TTC28: variants seen among roughly 807,000 people sequenced by gnomAD.
The protein encoded by TTC28 is tetratricopeptide repeat domain 28.
TTC28 carries 61 observed loss-of-function variants against 198.0 expected under a neutral mutation model. The observed-to-expected ratio is 0.31, with a 90% CI of 0.25 to 0.38. The LOEUF (loss-of-function observed/expected upper bound fraction) is 0.38. TTC28 is among the 10% of genes least tolerant of loss of function. The probability of loss-of-function intolerance (pLI) is 1.00; values close to 1 mark genes in which losing one functional copy is unlikely to be tolerated. For synonymous variants in TTC28, 1,171 were observed against 1,297.8 expected (o/e 0.90, Z 2.10); for missense variants, 2,678 against 3,164.0 (o/e 0.85, Z 3.69).
chr22:28,594,096 GC>G lies in TTC28; in HGVS notation c.381+35455del, dbSNP rs2050491494. Among the ~76,000 whole-genome samples the G allele has an allele frequency of 4.6e-5, 7 of 152,076 alleles. 1 individual carries two copies. The South Asian group carries it at 1.5e-3, about 32-fold the overall frequency. On this transcript the variant is annotated intron_variant, in intron 2 of 22. Coordinates refer to ENST00000397906, the MANE Select transcript of TTC28 (RefSeq NM_001145418.2). ...TTAAGGCACAGATAAAGTACTAGAA[GC>G]TGTGATGAGAGACACTGATGTTGAA...
intron 5 of TTC28, among the ~76,000 whole-genome samples, chr22:28,257,209 A>G (rs1307164579): frequency 6.6e-6 from 1 of 152,166 alleles, no homozygotes; most frequent in East Asian, 1.9e-4. Context: ...TCAAAAAACC[A>G]AAAATAGAAA....
chr22:28,070,897 C>T (rs967944226), intron 12 of TTC28, among the ~76,000 whole-genome samples: 4 of 152,294 alleles, frequency 2.6e-5, no homozygotes, highest in Admixed American at 2.0e-4. Context: ...TATATTCTTT[C>T]GAGAGCACAG....
intron 1 of TTC28, 88 bp downstream of exon 1, chr22:28,679,534 C>A: frequency 1.2e-6 from 1 of 854,422 alleles, no homozygotes; most frequent in Non-Finnish European, 1.7e-6. Flanking sequence ...GCCTCGCAGG[C>A]GCTCCTCTGC....
intron 12 of TTC28, among the ~76,000 whole-genome samples, chr22:28,075,041 T>C (rs1263320534): frequency 2.0e-5 from 3 of 151,968 alleles, no homozygotes; most frequent in Admixed American, 6.6e-5. Context: ...TGAGCCAAGA[T>C]TGCACCAACG....
chr22:28,324,640 A>G (rs1383132353), intron 2 of TTC28, among the ~76,000 whole-genome samples: 1 of 152,124 alleles, frequency 6.6e-6, no homozygotes, highest in Non-Finnish European at 1.5e-5. Context: ...GACAAAAACC[A>G]CATGATTATC....
Position 27,998,770 on chromosome 22 carries a change from T to G in TTC28, c.4889A>C (p.Asn1630Thr), listed in dbSNP as rs1937597088. 2.6e-6 allele frequency: 4 copies of G among 1,550,686 alleles called. No individual in the cohort carries two copies. The highest frequency in any genetic ancestry group is 3.5e-6 in the Non-Finnish European group (4 of 1,146,980). Reference protein sequence around the residue: ...LVVLGSSQESNSKVTADGVIA... With the variant: ...LVVLGSSQESTSKVTADGVIA... ...GACCCCGTCGGCTGTGACTTTGCTG[T>G]TGGACTCCTGGGAGGAGCCAAGCAC... The change falls in exon 16 of 23, where the codon AAC becomes ACC. Residue 1630 changes from asparagine to threonine, a missense_variant. Around this residue, in one of 8 missense-constraint regions of TTC28, gnomAD observed 727 missense variants for 861.9 expected, o/e 0.84. Coordinates refer to ENST00000397906, the MANE Select transcript of TTC28 (RefSeq NM_001145418.2).
intron 2 of TTC28, among the ~76,000 whole-genome samples, chr22:28,544,850 A>T (rs2048758324): frequency 6.6e-6 from 1 of 152,194 alleles, no homozygotes; most frequent in South Asian, 2.1e-4. Flanking sequence ...TGGTCTAAAA[A>T]GGGGAGGAAC....
intron 2 of TTC28, among the ~76,000 whole-genome samples, chr22:28,371,509 CAAAAAA>C (rs1229801209): frequency 9.8e-4 from 6 of 6,104 alleles, no homozygotes; most frequent in East Asian, 0.013. Flanking sequence ...GACCCTGTCT[CAAAAAA>C]AAAAAAAAAA....
At chr22:28,629,421 T>G in intron 2 of TTC28, 131 bp downstream of exon 2, 1 of 925,154 alleles carries the variant, frequency 1.1e-6, no homozygotes, top group South Asian at 1.9e-5. Context: ...AGGAAGTCAT[T>G]TTATATTTTG....
chr22:28,163,387 C>T lies in TTC28; in HGVS notation c.1146G>A (p.Lys382=), dbSNP rs1229899257. The T allele has an allele frequency of 4.5e-6, 7 of 1,552,026 alleles. No individual in the cohort carries two copies. The highest frequency in any genetic ancestry group is 6.1e-6 in the Non-Finnish European group (7 of 1,147,046). Residue 382 remains lysine (K), a synonymous_variant, in exon 6 of 23, where the codon AAG becomes AAA. Transcript: ENST00000397906. ...GCTTGTTCCCCAGGTCCTTGGCTAT[C>T]TTCAGATGCTGCTCATGGCACTGCA... ...NAVQCHEQHL[K]IAKDLGNKRE... is the part of the protein sequence containing the mutation.
intron 1 of TTC28, among the ~76,000 whole-genome samples, chr22:28,669,068 C>T (rs1038680898): frequency 1.3e-4 from 12 of 95,980 alleles, no homozygotes; most frequent in African/African-American, 4.5e-4. Context: ...AACCAAACAC[C>T]GCATATTCTC....
rs1942274628 is a variant in TTC28, at chr22:28,105,674, C to G, written c.2912G>C (p.Gly971Ala). ...GCAGGAAATGGCTTGTTCGTAATTC[C>G]CTAATTGGCTGTGCAGACTTCCCAG... ...GELGSLHSQL[G>A]NYEQAISCLE... Residue 971 changes from glycine to alanine, a missense_variant, in exon 8 of 23, where the codon GGG becomes GCG. Around this residue, in one of 8 missense-constraint regions of TTC28, gnomAD observed 727 missense variants for 861.9 expected, o/e 0.84. Coordinates refer to ENST00000397906, the MANE Select transcript of TTC28 (RefSeq NM_001145418.2). The G allele has an allele frequency of 1.3e-6, 2 of 1,551,842 alleles. No homozygotes were observed. The highest frequency in any genetic ancestry group is 2.7e-5 in the African/African-American group (2 of 73,142).
chr22:28,634,945 A>G (rs903755749), intron 1 of TTC28, among the ~76,000 whole-genome samples: 6 of 152,190 alleles, frequency 3.9e-5, no homozygotes, highest in Admixed American at 2.6e-4. Context: ...AGACCTTTGC[A>G]TGTATTTCTC....
At chr22:28,593,449 ATAGGTAGATAGG>A (rs2050472287) in intron 2 of TTC28, among the ~76,000 whole-genome samples, 1 of 148,724 alleles carries the variant, frequency 6.7e-6, no homozygotes, top group African/African-American at 2.5e-5. Context: ...AGGTAGGTAG[ATAGGTAGATAGG>A]TAGGTAGCTA....
intron 2 of TTC28, among the ~76,000 whole-genome samples, chr22:28,452,728 T>C (rs1482254582): frequency 1.3e-5 from 2 of 152,142 alleles, no homozygotes; most frequent in East Asian, 1.9e-4. Flanking sequence ...ATGCCTAGCA[T>C]TGGAATTGCC....
intron 5 of TTC28, among the ~76,000 whole-genome samples, chr22:28,192,877 T>C (rs561737000): frequency 6.6e-6 from 1 of 152,162 alleles, no homozygotes; most frequent in Non-Finnish European, 1.5e-5. Context: ...GCAGGATATT[T>C]TCCAGGAGAA....
chr22:28,176,614 G>C (rs1937690287), intron 5 of TTC28, among the ~76,000 whole-genome samples: 1 of 152,136 alleles, frequency 6.6e-6, no homozygotes, highest in Non-Finnish European at 1.5e-5. Flanking sequence ...TGAGGTAACG[G>C]ATACACTACT....
intron 6 of TTC28, among the ~76,000 whole-genome samples, chr22:28,139,856 T>C (rs995962420): frequency 6.6e-6 from 1 of 152,178 alleles, no homozygotes; most frequent in African/African-American, 2.4e-5. Context: ...TCCCTTTAGC[T>C]TCAGGGCCTG....
chr22:28,144,266 T>G (rs1943408383), intron 6 of TTC28, among the ~76,000 whole-genome samples: 1 of 152,222 alleles, frequency 6.6e-6, no homozygotes, highest in Admixed American at 6.5e-5. Context: ...AACCAGGGCC[T>G]GTCTAATACC....
Sources: gnomAD v4.1 joint callset for allele counts (sites outside exome capture counted in the v4.1 genomes callset) on GRCh38, gnomAD v4.1.1 for gene constraint, gnomAD v4.1.1 regional missense constraint, MANE v1.5 for transcripts, NCBI Gene and HGNC (gene_info 2026-07-23, HGNC 2026-07-21) for gene names.